ARMC9: variants seen among roughly 807,000 people sequenced by gnomAD.
ARMC9 encodes the protein lisH domain-containing protein ARMC9.
ARMC9 carries 94 observed loss-of-function variants against 107.0 expected under a neutral mutation model. The observed-to-expected ratio is 0.88, with a 90% confidence interval of 0.74 to 1.04. The LOEUF (loss-of-function observed/expected upper bound fraction) is 1.04. ARMC9 is among the 50% of genes least tolerant of loss of function. The pLI is 0.00. For synonymous variants in ARMC9, 380 were observed against 396.9 expected, an observed-to-expected ratio of 0.96 and a Z score of 0.51; for missense variants, 942 against 1,030.1, an observed-to-expected ratio of 0.91 and a Z score of 1.17.
chr2:231,258,683 C>T (rs1404602544), intron 10 of ARMC9, among the ~76,000 whole-genome samples: 4 of 152,150 alleles, frequency 2.6e-5, no homozygotes, highest in Non-Finnish European at 4.4e-5. Flanking sequence ...GTGATTTCTT[C>T]CCTATGCTAG....
At chr2:231,299,164 G>A (rs965759356) in intron 19 of ARMC9, among the ~76,000 whole-genome samples, 3 of 151,892 alleles carry the variant, frequency 2.0e-5, no homozygotes, top group African/African-American at 4.8e-5. Flanking sequence ...ATATACATAC[G>A]TTTATATACT....
At chr2:231,272,669 C>T (rs538462870) in intron 13 of ARMC9, among the ~76,000 whole-genome samples, 8 of 152,106 alleles carry the variant, frequency 5.3e-5, no homozygotes, top group African/African-American at 1.9e-4. Context: ...GCATCTGCCA[C>T]CACACCCAGC....
Position 231,309,572 on chromosome 2 carries a change from C to G in ARMC9, c.1773+13319C>G, listed in dbSNP as rs371507626. 3.3e-5 allele frequency among the ~76,000 whole-genome samples: 5 copies of G among 152,214 alleles called. No individual in the cohort carries two copies. The East Asian group carries it at 7.7e-4, about 24-fold the overall frequency. ...TCACTTGGTATTCAAAGATGAAATG[C>G]TTAGCGTCTGGGTCTAGAAATATGA... On this transcript the variant is annotated intron_variant, in intron 19 of 24. Coordinates refer to ENST00000611582, the MANE Select transcript of ARMC9 (RefSeq NM_001352754.2).
intron 15 of ARMC9, among the ~76,000 whole-genome samples, chr2:231,277,562 C>CT (rs5839396): frequency 0.017 from 2,315 of 135,858 alleles, 28 homozygotes; most frequent in African/African-American, 0.021. Context: ...AAGTCCTAGC[C>CT]TTTTTTTTTT....
chr2:231,376,056 C>T lies in ARMC9; in HGVS notation c.*4521C>T, dbSNP rs1210235341. On this transcript the variant is annotated 3_prime_UTR_variant, in exon 25 of 25. Coordinates refer to ENST00000611582, the MANE Select transcript of ARMC9 (RefSeq NM_001352754.2). ...ATTTCATGGACACTTATCACTTCCC[C>T]AGTCAATACCCTTGTGATTTCCTAT... Among the ~76,000 whole-genome samples, 4 of 152,200 alleles carry T rather than the reference C, an allele frequency of 2.6e-5. No homozygotes were observed. Among genetic ancestry groups the T allele is most frequent in the Non-Finnish European group, 5.9e-5 (4 of 68,036 alleles).
chr2:231,246,877 C>T (rs1042585808), intron 9 of ARMC9, among the ~76,000 whole-genome samples: 7 of 151,926 alleles, frequency 4.6e-5, no homozygotes, highest in African/African-American at 9.7e-5. Context: ...ACTGCAGCTT[C>T]GACCTCCTGG....
chr2:231,337,291 T>TATATATATATATATATA (rs1491529948), intron 20 of ARMC9, among the ~76,000 whole-genome samples: 1 of 34,618 alleles, frequency 2.9e-5, no homozygotes, highest in African/African-American at 1.1e-4. Context: ...TATATATATA[T>TATATATATATATATATA]TTTTTTTTTT....
chr2:231,257,787 A>G (rs1371513827), intron 10 of ARMC9, among the ~76,000 whole-genome samples: 3 of 152,256 alleles, frequency 2.0e-5, no homozygotes. Context: ...GTAGTATTAC[A>G]CCAAAATTAG....
chr2:231,344,599 A>G (rs2044703650), intron 20 of ARMC9, among the ~76,000 whole-genome samples: 1 of 152,196 alleles, frequency 6.6e-6, no homozygotes, highest in African/African-American at 2.4e-5. Flanking sequence ...TATTTTTAAC[A>G]TACTGCGCAT....
At chr2:231,206,668 C>T (rs922976326) in intron 2 of ARMC9, among the ~76,000 whole-genome samples, 11 of 152,130 alleles carry the variant, frequency 7.2e-5, no homozygotes, top group African/African-American at 2.7e-4. Flanking sequence ...TTTTTATCTG[C>T]CAACAATAAT....
chr2:231,233,391 G>T (rs2035418915), intron 7 of ARMC9, among the ~76,000 whole-genome samples: 1 of 152,128 alleles, frequency 6.6e-6, no homozygotes, highest in Admixed American at 6.6e-5. Flanking sequence ...TGGGAGTGAG[G>T]CCTGATCATC....
chr2:231,355,861 C>T lies in ARMC9; in HGVS notation c.2058C>T (p.Ala686=), dbSNP rs2045324360. The T allele has an allele frequency of 5.2e-6, 8 of 1,536,044 alleles. No individual in the cohort carries two copies. Among genetic ancestry groups the T allele is most frequent in the East Asian group, 2.4e-5 (1 of 40,936 alleles). ...AQHARNGHPQ[A]LPAAHEAVYR... ...ACGCCAGAAACGGCCACCCGCAGGCCCTGCCAGCCGCTCACGAGGCTGTCT... is the reference window on the plus strand; with the variant it reads ...ACGCCAGAAACGGCCACCCGCAGGCTCTGCCAGCCGCTCACGAGGCTGTCT... Residue 686 remains alanine, a synonymous_variant, in exon 22 of 25, where the codon GCC becomes GCT. Coordinates refer to ENST00000611582, the MANE Select transcript of ARMC9 (RefSeq NM_001352754.2).
chr2:231,353,634 C>T (rs2045199981), intron 21 of ARMC9, among the ~76,000 whole-genome samples: 2 of 151,450 alleles, frequency 1.3e-5, no homozygotes, highest in Admixed American at 1.3e-4. Context: ...CAGGTTTGCA[C>T]ACTCCTCCCA....
At chr2:231,311,785 A>T (rs909929612) in intron 19 of ARMC9, among the ~76,000 whole-genome samples, 1 of 151,222 alleles carries the variant, frequency 6.6e-6, no homozygotes, top group East Asian at 1.9e-4. Context: ...AAAAAAAAAA[A>T]AAAAAAAAAA....
At chr2:231,335,407 G>A (rs545831733) in intron 20 of ARMC9, among the ~76,000 whole-genome samples, 2 of 152,304 alleles carry the variant, frequency 1.3e-5, no homozygotes, top group South Asian at 4.1e-4. Context: ...AGAGTGTTCG[G>A]GGATGGGAGG....
At chr2:231,350,111 C>T (rs560685581) in intron 21 of ARMC9, among the ~76,000 whole-genome samples, 14 of 152,152 alleles carry the variant, frequency 9.2e-5, no homozygotes, top group East Asian at 3.9e-4. Flanking sequence ...CTGCAAGCTC[C>T]GCCTCCCAGG....
intron 17 of ARMC9, among the ~76,000 whole-genome samples, chr2:231,286,141 C>A (rs2697738): frequency 0.96 from 146,276 of 152,296 alleles, 70,292 homozygotes; most frequent in East Asian, 1. Flanking sequence ...TTTGAGACAG[C>A]GTCTTGCTCT....
intron 9 of ARMC9, among the ~76,000 whole-genome samples, chr2:231,241,835 A>G (rs1353724632): frequency 6.6e-6 from 1 of 152,126 alleles, no homozygotes; most frequent in Non-Finnish European, 1.5e-5. Flanking sequence ...GCCTCTCCGG[A>G]GAGGCAGGCT....
At chr2:231,251,791 T>C (rs2037323798) in intron 9 of ARMC9, among the ~76,000 whole-genome samples, 1 of 152,060 alleles carries the variant, frequency 6.6e-6, no homozygotes, top group South Asian at 2.1e-4. Context: ...AGTGGTACAA[T>C]CATAGCTCAC....
Sources: gnomAD v4.1 joint callset for allele counts (sites outside exome capture counted in the v4.1 genomes callset) on GRCh38, gnomAD v4.1.1 for gene constraint, MANE v1.5 for transcripts, NCBI Gene and HGNC (gene_info 2026-07-23, HGNC 2026-07-21) for gene names.